PRKG2: variants seen among roughly 807,000 people sequenced by gnomAD.
PRKG2 encodes the protein protein kinase cGMP-dependent 2.
Under a neutral mutation model 97.2 loss-of-function variants are expected in PRKG2, and 33 were observed. The ratio of observed to expected loss-of-function variants is 0.34; its 90% confidence interval spans 0.26 to 0.45. The LOEUF is 0.45. PRKG2 is among the 20% of genes least tolerant of loss of function. PRKG2 has a pLI of 1.00. For synonymous variants in PRKG2, 330 were observed against 321.8 expected (o/e 1.03, Z -0.27); for missense variants, 638 against 900.0 (o/e 0.71, Z 3.73).
rs748154542 is a variant in PRKG2, at chr4:81,204,219, CT to C, written c.461+367del. ...TTGAAGACTACTAAAATGTGACTCTCTTTTTTTTTTTTTTGGCTAACATAGT... is the reference window on the plus strand; with the variant it reads ...TTGAAGACTACTAAAATGTGACTCTCTTTTTTTTTTTTTGGCTAACATAGT... On this transcript the variant is annotated intron_variant, in intron 2 of 18. Transcript: ENST00000264399. 7.2e-3 allele frequency among the ~76,000 whole-genome samples: 1,000 copies of C among 139,502 alleles called. 4 individuals carry two copies. The highest frequency in any genetic ancestry group is 0.013 in the African/African-American group (520 of 38,722). 91.5% of individuals were successfully genotyped at this position (139,502 alleles called of 152,430 possible). A position where few individuals can be genotyped will look rare whatever the true frequency, so the allele number is the denominator to read the frequency against.
intron 14 of PRKG2, among the ~76,000 whole-genome samples, chr4:81,114,156 C>G (rs1744254709): frequency 6.6e-6 from 1 of 151,972 alleles, no homozygotes; most frequent in African/African-American, 2.4e-5. Flanking sequence ...GAACCAATTC[C>G]CTTCTCCTGT....
At chr4:81,136,642 G>C (rs1746729214) in intron 13 of PRKG2, among the ~76,000 whole-genome samples, 2 of 151,954 alleles carry the variant, frequency 1.3e-5, no homozygotes, top group African/African-American at 4.8e-5. Context: ...GTCATGTTTA[G>C]AGTTTAATTC....
At chr4:81,177,359 A>C (rs1184169322) in intron 2 of PRKG2, among the ~76,000 whole-genome samples, 1 of 152,192 alleles carries the variant, frequency 6.6e-6, no homozygotes, top group Non-Finnish European at 1.5e-5. Context: ...AATTATCTCT[A>C]TGAATTTTTC....
At chr4:81,119,554 A>G (rs913023577) in intron 14 of PRKG2, among the ~76,000 whole-genome samples, 2 of 152,054 alleles carry the variant, frequency 1.3e-5, no homozygotes, top group African/African-American at 4.8e-5. Flanking sequence ...CAGTCCTCCA[A>G]CTTTGTTTTC....
At chr4:81,163,863 T>TACACACACAC (rs5859761) in intron 6 of PRKG2, among the ~76,000 whole-genome samples, 20 of 144,662 alleles carry the variant, frequency 1.4e-4, no homozygotes, top group Admixed American at 4.2e-4. Context: ...AGATGTATAG[T>TACACACACAC]ACACACACAC....
chr4:81,099,847 T>C (rs1742537300), intron 17 of PRKG2, among the ~76,000 whole-genome samples: 1 of 152,194 alleles, frequency 6.6e-6, no homozygotes, highest in Non-Finnish European at 1.5e-5. Flanking sequence ...CTTAAGCTCA[T>C]AGGCAACTTC....
intron 14 of PRKG2, among the ~76,000 whole-genome samples, chr4:81,114,226 T>C (rs1331164070): frequency 2.6e-5 from 4 of 152,060 alleles, no homozygotes; most frequent in South Asian, 2.1e-4. Flanking sequence ...TGGTGTCTAG[T>C]TGTGAATAAA....
chr4:81,162,917 G>C (rs187466101), intron 6 of PRKG2, among the ~76,000 whole-genome samples: 90 of 152,284 alleles, frequency 5.9e-4, no homozygotes, highest in African/African-American at 2.0e-3. Context: ...AAGAAACACA[G>C]AGAATTTCTG....
intron 2 of PRKG2, among the ~76,000 whole-genome samples, chr4:81,189,979 TA>T (rs1343137196): frequency 2.6e-5 from 4 of 152,132 alleles, no homozygotes; most frequent in African/African-American, 9.7e-5. Flanking sequence ...GAAGAATCAG[TA>T]TTGTGAAAAT....
At chr4:81,198,681 G>C (rs1753111929) in intron 2 of PRKG2, among the ~76,000 whole-genome samples, 1 of 152,158 alleles carries the variant, frequency 6.6e-6, no homozygotes. Flanking sequence ...GGAGCAAGTT[G>C]AATGACCCCA....
intron 2 of PRKG2, among the ~76,000 whole-genome samples, chr4:81,185,021 T>C (rs1173111823): frequency 1.3e-5 from 2 of 152,134 alleles, no homozygotes; most frequent in Non-Finnish European, 2.9e-5. Flanking sequence ...CTGAAAGTGA[T>C]GGGGAGAATG....
chr4:81,137,300 A>G (rs1746806832), intron 13 of PRKG2, 93 bp downstream of exon 13: 1 of 942,616 alleles, frequency 1.1e-6, no homozygotes, highest in African/African-American at 1.7e-5. Flanking sequence ...ATATTTTGTT[A>G]TAATAATTTC....
chr4:81,119,794 C>G (rs981297484), intron 14 of PRKG2, among the ~76,000 whole-genome samples: 4 of 151,984 alleles, frequency 2.6e-5, no homozygotes, highest in Non-Finnish European at 4.4e-5. Flanking sequence ...CCTGCCTCAG[C>G]CTCCCGAGTA....
chr4:81,180,058 G>A lies in PRKG2; in HGVS notation c.462-5099C>T, dbSNP rs565793119. Among the ~76,000 whole-genome samples, 15 of 152,094 alleles carry A rather than the reference G, an allele frequency of 9.9e-5. No individual in the cohort carries two copies. The South Asian group carries it at 2.3e-3, about 23-fold the overall frequency. ...TGAGGCAGGAGAATTGCTTGAACCC[G>A]GGAGTCGGAGGTTGCAGTGAGCTGA... On this transcript the variant is annotated intron_variant, in intron 2 of 18. Coordinates refer to ENST00000264399, the MANE Select transcript of PRKG2 (RefSeq NM_006259.3).
chr4:81,206,385 C>T (rs983193925), intron 1 of PRKG2, among the ~76,000 whole-genome samples: 9 of 152,056 alleles, frequency 5.9e-5, no homozygotes, highest in African/African-American at 1.9e-4. Flanking sequence ...ATGCTGTTCT[C>T]GTGATAGTGA....
At chr4:81,193,706 G>C (rs1452149672) in intron 2 of PRKG2, among the ~76,000 whole-genome samples, 5 of 151,972 alleles carry the variant, frequency 3.3e-5, no homozygotes, top group Admixed American at 3.3e-4. Flanking sequence ...AGGGTGTGGT[G>C]GTGGGCGCCC....
intron 1 of PRKG2, among the ~76,000 whole-genome samples, chr4:81,206,820 T>C (rs934128054): frequency 3.9e-5 from 6 of 152,224 alleles, no homozygotes; most frequent in Non-Finnish European, 7.3e-5. Flanking sequence ...ACACAGCATC[T>C]AGATTTCAAA....
chr4:81,131,706 T>C (rs1202717691), intron 14 of PRKG2, among the ~76,000 whole-genome samples: 1 of 152,168 alleles, frequency 6.6e-6, no homozygotes, highest in East Asian at 1.9e-4. Context: ...TTTTTCCACA[T>C]ATGGATATCC....
At chr4:81,209,950 A>T (rs1405141109) in intron 1 of PRKG2, among the ~76,000 whole-genome samples, 1 of 152,166 alleles carries the variant, frequency 6.6e-6, no homozygotes, top group Non-Finnish European at 1.5e-5. Flanking sequence ...ATCAAAGAAT[A>T]CAAAAGAGAG....
Sources: allele counts gnomAD v4.1 joint callset (sites outside exome capture counted in the v4.1 genomes callset), GRCh38; gene constraint gnomAD v4.1.1; transcripts MANE v1.5; gene names NCBI Gene and HGNC (gene_info 2026-07-23, HGNC 2026-07-21).